Variants in KANSL1 observed in about 807,000 individuals in gnomAD.
KANSL1 encodes MLL1/MLL complex subunit KANSL1.
KANSL1 carries 22 observed loss-of-function variants against 103.6 expected under a neutral mutation model. The ratio of observed to expected loss-of-function variants is 0.21; its 90% CI spans 0.15 to 0.30. The LOEUF (loss-of-function observed/expected upper bound fraction) is 0.30. KANSL1 is among the 10% of genes least tolerant of loss of function. KANSL1 has a pLI of 1.00. For missense variants in KANSL1, 1,337 were observed against 1,399.8 expected, an observed-to-expected ratio of 0.96 and a Z score of 0.72; for synonymous variants, 600 against 527.6, an observed-to-expected ratio of 1.14 and a Z score of -1.88.
chr17:46,145,979 T>C (rs909792502), intron 2 of KANSL1, among the ~76,000 whole-genome samples: 4 of 152,230 alleles, frequency 2.6e-5, no homozygotes, highest in African/African-American at 9.7e-5. Flanking sequence ...TCCTCCCACC[T>C]TGGCCCCCTC....
intron 4 of KANSL1, among the ~76,000 whole-genome samples, chr17:46,069,723 A>G (rs1220066131): frequency 1.3e-5 from 2 of 151,518 alleles, no homozygotes; most frequent in Non-Finnish European, 3.0e-5. Context: ...CAGCCTGGGA[A>G]AGAGAGAGAG....
chr17:46,093,905 T>C (rs1357430724), intron 3 of KANSL1: 1 of 152,266 alleles, frequency 6.6e-6, no homozygotes, highest in East Asian at 1.9e-4. Flanking sequence ...CATCTTACCA[T>C]CAGTAGCATC....
upstream of KANSL1, among the ~76,000 whole-genome samples, chr17:46,194,493 C>T (rs2047536818): frequency 6.6e-6 from 1 of 152,200 alleles, no homozygotes; most frequent in South Asian, 2.1e-4. Flanking sequence ...ATAATGGAAC[C>T]TTTCCTAGAC....
At chr17:46,123,048 C>T (rs1052320870) in intron 2 of KANSL1, among the ~76,000 whole-genome samples, 12 of 152,302 alleles carry the variant, frequency 7.9e-5, no homozygotes, top group Admixed American at 2.0e-4. Flanking sequence ...TAGACACTTG[C>T]GGATGTTTTC....
At chr17:46,117,387 C>G (rs1466914294) in intron 2 of KANSL1, among the ~76,000 whole-genome samples, 1 of 152,212 alleles carries the variant, frequency 6.6e-6, no homozygotes, top group African/African-American at 2.4e-5. Context: ...CTTCCAGTAA[C>G]GTAAATTCCA....
intron 1 of KANSL1, among the ~76,000 whole-genome samples, chr17:46,185,795 G>A (rs530078511): frequency 6.6e-6 from 1 of 151,938 alleles, no homozygotes; most frequent in Non-Finnish European, 1.5e-5. Flanking sequence ...GTCAAGGTGG[G>A]AGGACTGCTT....
intron 2 of KANSL1, among the ~76,000 whole-genome samples, chr17:46,113,500 T>C (rs1394173606): frequency 2.6e-5 from 4 of 152,238 alleles, no homozygotes; most frequent in Non-Finnish European, 5.9e-5. Context: ...GTTAGGCATA[T>C]GCAAGCCTTT....
At chr17:46,076,270 G>A (rs1211927650) in intron 4 of KANSL1, among the ~76,000 whole-genome samples, 2 of 152,006 alleles carry the variant, frequency 1.3e-5, no homozygotes, top group Admixed American at 6.6e-5. Flanking sequence ...CGAGGCAGGC[G>A]GATCACTTGA....
rs1045965457 is a variant in KANSL1 at position 46,147,800 on chromosome 17, T to A, written c.1289+23055A>T. Among the ~76,000 whole-genome samples, 3 of 152,350 alleles carry A rather than the reference T, an allele frequency of 2.0e-5. No individual in the cohort carries two copies. In the East Asian group the frequency reaches 5.8e-4, roughly 29 times the overall value. Reference sequence around the variant, plus strand: ...CAACTGCTGTTAATAGAAGACTATATGACGGTATTTTCTCGAAGTTTGGTA... The same window carrying A: ...CAACTGCTGTTAATAGAAGACTATAAGACGGTATTTTCTCGAAGTTTGGTA... On this transcript the variant is annotated intron_variant, in intron 2 of 14. Transcript: ENST00000432791.
chr17:46,153,979 T>C (rs2045274172), intron 2 of KANSL1, among the ~76,000 whole-genome samples: 1 of 152,234 alleles, frequency 6.6e-6, no homozygotes, highest in Admixed American at 6.5e-5. Context: ...CTTCAGTGCC[T>C]AGTTCTTCAC....
rs1057523139 is a variant in KANSL1, at chr17:46,033,450, C to T, written c.2677G>A (p.Val893Ile). 1.9e-6 allele frequency: 3 copies of T among 1,614,048 alleles called. No individual in the cohort carries two copies. The African/African-American group carries it at 4.0e-5, about 22-fold the overall frequency. The change falls in exon 12 of 15, where the codon GTT (valine) becomes ATT (isoleucine). Residue 893 changes from valine (V) to isoleucine (I), a missense_variant. By Grantham distance (29) the Val-to-Ile change is conservative (BLOSUM62 3). This residue lies in a region of KANSL1 where 780 missense variants were observed against 923.4 expected (regional missense o/e 0.84). Transcript: ENST00000432791. ...KEILTPSWRE[V>I]DLQSLKGSPD... is the part of the protein sequence containing the mutation. Reference sequence around the variant, plus strand: ...CTCCCCTTCAGAGACTGAAGATCAACCTCCCGCCAGCTGCAAAACCAAGAA... The same window carrying T: ...CTCCCCTTCAGAGACTGAAGATCAATCTCCCGCCAGCTGCAAAACCAAGAA...
At chr17:46,059,117 A>G (rs554375774) in intron 6 of KANSL1, among the ~76,000 whole-genome samples, 3 of 152,140 alleles carry the variant, frequency 2.0e-5, no homozygotes, top group Admixed American at 1.3e-4. Context: ...GGCTGAATGG[A>G]TAACACTAGA....
chr17:46,131,579 C>T (rs62063202), intron 2 of KANSL1, among the ~76,000 whole-genome samples: 21,651 of 151,970 alleles, frequency 0.14, 2,120 homozygotes, highest in Non-Finnish European at 0.22. Context: ...TCATCTTCAT[C>T]ACATGAATTA....
rs142278850 is a variant in KANSL1, at chr17:46,118,142, T to C, written c.1290-23441A>G. Among the ~76,000 whole-genome samples, 756 of 152,304 alleles carry C rather than the reference T, an allele frequency of 5.0e-3. 2 individuals carry two copies. Among genetic ancestry groups the C allele is most frequent in the Non-Finnish European group, 7.2e-3 (493 of 68,024 alleles). ...GATATGAAGCAAGCTTTACACACAA[T>C]GTTTTTAAACTCTTAGATAAAAGAG... On this transcript the variant is annotated intron_variant, in intron 2 of 14. Coordinates refer to ENST00000432791, the MANE Select transcript of KANSL1 (RefSeq NM_015443.4).
intron 6 of KANSL1, among the ~76,000 whole-genome samples, chr17:46,055,301 T>C (rs2077881553): frequency 6.6e-6 from 1 of 151,586 alleles, no homozygotes; most frequent in Non-Finnish European, 1.5e-5. Flanking sequence ...TCGTCTCTAC[T>C]AAAAATACAA....
intron 3 of KANSL1, among the ~76,000 whole-genome samples, chr17:46,087,442 G>T: frequency 6.6e-6 from 1 of 152,214 alleles, no homozygotes; most frequent in Non-Finnish European, 1.5e-5. Context: ...AAGTAGGTAA[G>T]AGTCATTCAT....
chr17:46,220,581 T>C (rs1246862008), intron 1 of KANSL1, among the ~76,000 whole-genome samples: 7 of 152,270 alleles, frequency 4.6e-5, no homozygotes, highest in African/African-American at 7.2e-5. Context: ...TAAAAAGATA[T>C]AATGCAATGA....
At chr17:46,040,035 T>C (rs2077266480) in intron 7 of KANSL1, 151 bp from the exon 8 acceptor site, 6 of 597,396 alleles carry the variant, frequency 1.0e-5, no homozygotes, top group Non-Finnish European at 1.7e-5. Flanking sequence ...ACGTGAACAT[T>C]ACTGAAGGTC....
chr17:46,208,621 A>G (rs1284047385), intron 1 of KANSL1, among the ~76,000 whole-genome samples: 3 of 150,806 alleles, frequency 2.0e-5, no homozygotes, highest in Non-Finnish European at 3.0e-5. Flanking sequence ...TGTCTCAAAA[A>G]AAAAAAAAAA....
Sources: gnomAD v4.1 joint callset for allele counts (sites outside exome capture counted in the v4.1 genomes callset) on GRCh38, gnomAD v4.1.1 for gene constraint, gnomAD v4.1.1 regional missense constraint, MANE v1.5 for transcripts, NCBI Gene and HGNC (gene_info 2026-07-23, HGNC 2026-07-21) for gene names.